SLC9C2: variants seen among roughly 807,000 people sequenced by gnomAD.
SLC9C2 encodes sodium/hydrogen exchanger 11.
Under a neutral mutation model 140.2 loss-of-function variants are expected in SLC9C2, and 75 were observed. The ratio of observed to expected loss-of-function variants is 0.53; its 90% confidence interval spans 0.44 to 0.65. The LOEUF (loss-of-function observed/expected upper bound fraction) is 0.65, where lower values mean the gene tolerates loss of function less well. SLC9C2 is among the 30% of genes least tolerant of loss of function. The pLI is 0.00. For synonymous variants in SLC9C2, 375 were observed against 420.9 expected, an observed-to-expected ratio of 0.89 and a Z score of 1.34; for missense variants, 1,074 against 1,331.8, an observed-to-expected ratio of 0.81 and a Z score of 3.01.
intron 14 of SLC9C2, 79 bp downstream of exon 14, chr1:173,536,863 T>A (rs1349690167): frequency 2.0e-6 from 2 of 1,017,126 alleles, no homozygotes; most frequent in South Asian, 1.4e-5. Flanking sequence ...AATCAGGACA[T>A]TTAATTCTCA....
At chr1:173,572,132 C>G (rs570319279) in intron 9 of SLC9C2, among the ~76,000 whole-genome samples, 53 of 152,284 alleles carry the variant, frequency 3.5e-4, no homozygotes, top group African/African-American at 1.1e-3. Context: ...ACAAAGCTAA[C>G]AAGTGTGGGA....
chr1:173,514,501 T>C (rs1290681293), intron 23 of SLC9C2, among the ~76,000 whole-genome samples: 1 of 152,200 alleles, frequency 6.6e-6, no homozygotes, highest in Non-Finnish European at 1.5e-5. Context: ...TGTTTTCCAT[T>C]TGCTTGGTAA....
At position 173,527,060 on chromosome 1, in the gene SLC9C2, G is replaced by A. The variant is rs1661253404; in HGVS notation, c.2314-346C>T. ...GGGTTTCTCCATGTTGGCTAGGCTG[G>A]TCTTGAACTCCTGACCTCAGGTGAT... On this transcript the variant is annotated intron_variant, in intron 18 of 27. Coordinates refer to ENST00000367714, the MANE Select transcript of SLC9C2 (RefSeq NM_178527.4). Among the ~76,000 whole-genome samples the A allele has an allele frequency of 2.0e-5, 3 of 152,042 alleles. No homozygotes were observed. In the South Asian group the frequency reaches 6.2e-4, roughly 32 times the overall value.
chr1:173,529,720 TA>T (rs2101979730), intron 18 of SLC9C2, among the ~76,000 whole-genome samples, 184 bp downstream of exon 18: 1 of 151,922 alleles, frequency 6.6e-6, no homozygotes, highest in Non-Finnish European at 1.5e-5. Flanking sequence ...AGTTTGATGA[TA>T]ACAGCTGAAA....
At chr1:173,578,744 G>A (rs1454329148) in intron 7 of SLC9C2, among the ~76,000 whole-genome samples, 1 of 152,128 alleles carries the variant, frequency 6.6e-6, no homozygotes, top group African/African-American at 2.4e-5. Flanking sequence ...GCTTATAGCT[G>A]GTATTCTCTC....
At chr1:173,533,467 T>C in intron 17 of SLC9C2, 142 bp downstream of exon 17, 1 of 571,544 alleles carries the variant, frequency 1.7e-6, no homozygotes, top group East Asian at 3.0e-5. Flanking sequence ...TTTGTAGTGA[T>C]GGGGTCTTGC....
At chr1:173,572,373 G>T (rs1664896739) in intron 9 of SLC9C2, among the ~76,000 whole-genome samples, 1 of 152,038 alleles carries the variant, frequency 6.6e-6, no homozygotes, top group South Asian at 2.1e-4. Flanking sequence ...AGCCTTCTGT[G>T]TGAGAGTGAC....
intron 3 of SLC9C2, among the ~76,000 whole-genome samples, chr1:173,598,253 G>T (rs1217253559): frequency 2.0e-5 from 3 of 152,136 alleles, no homozygotes; most frequent in African/African-American, 7.2e-5. Flanking sequence ...TAATTGAGTG[G>T]TTTTGGGCTA....
At chr1:173,545,864 G>A (rs1388673969) in intron 13 of SLC9C2, among the ~76,000 whole-genome samples, 1 of 152,182 alleles carries the variant, frequency 6.6e-6, no homozygotes, top group Non-Finnish European at 1.5e-5. Flanking sequence ...CACAAGTCTG[G>A]AAGTTAGGTA....
intron 10 of SLC9C2, among the ~76,000 whole-genome samples, chr1:173,555,702 C>G (rs924577578): frequency 6.6e-6 from 1 of 152,142 alleles, no homozygotes; most frequent in Non-Finnish European, 1.5e-5. Context: ...ATGGAAAGAA[C>G]CAAAGTCTTT....
chr1:173,513,951 A>G (rs1571438342), intron 23 of SLC9C2, among the ~76,000 whole-genome samples: 1 of 152,280 alleles, frequency 6.6e-6, no homozygotes, highest in South Asian at 2.1e-4. Flanking sequence ...ATTTCCATGT[A>G]GTTCAATTTC....
Position 173,526,683 on chromosome 1 carries a change from T to C in SLC9C2, c.2345A>G (p.Gln782Arg). Residue 782 changes from glutamine to arginine, a missense_variant, in exon 19 of 28, where the codon CAG (glutamine) becomes CGG (arginine). Physicochemically the swap from Gln to Arg is conservative, Grantham distance 43. Transcript: ENST00000367714. Reference protein sequence around the residue: ...KLCEILETNKQDAVKELVLME... With the variant: ...KLCEILETNKRDAVKELVLME... ...CCTACCTAATTCTTTGACAGCATCCTGTTTGTTGGTTTCCAAAATTTCACA... is the reference window on the plus strand; with the variant it reads ...CCTACCTAATTCTTTGACAGCATCCCGTTTGTTGGTTTCCAAAATTTCACA... 1 of 1,595,588 alleles carries C rather than the reference T, an allele frequency of 6.3e-7. No homozygotes were observed. The highest frequency in any genetic ancestry group is 8.5e-7 in the Non-Finnish European group (1 of 1,175,388).
At chr1:173,528,885 C>CA (rs1661383469) in intron 18 of SLC9C2, among the ~76,000 whole-genome samples, 1 of 151,958 alleles carries the variant, frequency 6.6e-6, no homozygotes, top group Non-Finnish European at 1.5e-5. Context: ...ACACTGGGGG[C>CA]AAAAACAGAA....
At chr1:173,547,824 A>G in intron 12 of SLC9C2, 40 bp from the exon 13 acceptor site, 1 of 1,456,730 alleles carries the variant, frequency 6.9e-7, no homozygotes, top group Non-Finnish European at 9.5e-7. Context: ...ATAAAGGGAT[A>G]AAGTTAAAAA....
chr1:173,509,499 G>T, intron 24 of SLC9C2, 69 bp downstream of exon 24: 11 of 1,312,066 alleles, frequency 8.4e-6, no homozygotes, highest in South Asian at 2.9e-5. Flanking sequence ...TCAAAAATAT[G>T]AAATGCATTT....
intron 11 of SLC9C2, among the ~76,000 whole-genome samples, chr1:173,553,169 T>C (rs543230717): frequency 6.6e-6 from 1 of 152,186 alleles, no homozygotes; most frequent in Admixed American, 6.5e-5. Context: ...ATTGCTGCAA[T>C]CTCAGGATAA....
chr1:173,601,052 T>A (rs1666745357), intron 2 of SLC9C2, among the ~76,000 whole-genome samples: 1 of 152,248 alleles, frequency 6.6e-6, no homozygotes, highest in Non-Finnish European at 1.5e-5. Context: ...GAATTCTTAA[T>A]CATTGTTTAA....
intron 9 of SLC9C2, among the ~76,000 whole-genome samples, chr1:173,560,747 G>A (rs1234595677): frequency 1.3e-5 from 2 of 152,088 alleles, no homozygotes; most frequent in African/African-American, 2.4e-5. Context: ...AGCTAGCTAT[G>A]AAGCCCCATA....
rs141967596 is a variant in SLC9C2 at position 173,588,602 on chromosome 1, G to A, written c.358-772C>T. Among the ~76,000 whole-genome samples the A allele has an allele frequency of 1.5e-4, 23 of 152,054 alleles. No individual in the cohort carries two copies. The East Asian group carries it at 4.4e-3, about 29-fold the overall frequency. ...ATTTTTTAAATGTTAAATTAACCTT[G>A]TTCTGAAATAAACACAACTTGATCA... On this transcript the variant is annotated intron_variant, in intron 4 of 27. Transcript: ENST00000367714.
Sources: gnomAD v4.1 joint callset for allele counts (sites outside exome capture counted in the v4.1 genomes callset) on GRCh38, gnomAD v4.1.1 for gene constraint, MANE v1.5 for transcripts, NCBI Gene and HGNC (gene_info 2026-07-23, HGNC 2026-07-21) for gene names.